PCNX1: variants seen among roughly 807,000 people sequenced by gnomAD.
PCNX1 encodes pecanex-like protein 1.
A neutral mutation model predicts 242.2 loss-of-function variants in PCNX1; 78 were observed. The observed-to-expected ratio is 0.32, with a 90% CI of 0.27 to 0.39. The LOEUF is 0.39. Ranked by LOEUF, PCNX1 falls within the 10% of genes least tolerant of loss-of-function variation. The pLI is 1.00. For synonymous variants in PCNX1, 1,024 were observed against 1,032.9 expected, an observed-to-expected ratio of 0.99 and a Z score of 0.17; for missense variants, 2,581 against 2,856.5, an observed-to-expected ratio of 0.90 and a Z score of 2.20.
Position 70,907,811 on chromosome 14 carries a change from G to GCGGCGA in PCNX1, c.-35_-34insACGGCG. On this transcript the variant is annotated 5_prime_UTR_variant, in exon 1 of 36. Transcript: ENST00000304743. ...CCGAGCTGGGGCCGGGGCGGGGACG[G>GCGGCGA]CGGCGGCGGCGGCGGCGACGGCGGC... 3 of 1,201,354 alleles carry GCGGCGA rather than the reference G, an allele frequency of 2.5e-6. No individual in the cohort carries two copies. Among genetic ancestry groups the GCGGCGA allele is most frequent in the Non-Finnish European group, 3.1e-6 (3 of 963,744 alleles). 74.4% of individuals were successfully genotyped at this position (1,201,354 alleles called of 1,614,324 possible). A position where few individuals can be genotyped will look rare whatever the true frequency, so the allele number is the denominator to read the frequency against.
intron 25 of PCNX1, among the ~76,000 whole-genome samples, chr14:71,056,413 A>C (rs1157971065): frequency 6.6e-6 from 1 of 152,208 alleles, no homozygotes; most frequent in Non-Finnish European, 1.5e-5. Flanking sequence ...ACCAAAGGCC[A>C]TGCCCTGAAT....
At chr14:71,105,552 A>AT in intron 33 of PCNX1, 112 bp downstream of exon 33, 2 of 821,490 alleles carry the variant, frequency 2.4e-6, no homozygotes, top group African/African-American at 3.5e-5. Context: ...TCAGAAATAG[A>AT]ATTTTTTTTT....
At position 70,917,374 on chromosome 14, in the gene PCNX1, A is replaced by G. The variant is rs571734565; in HGVS notation, c.153+9371A>G. Among the ~76,000 whole-genome samples the G allele has an allele frequency of 2.0e-5, 3 of 152,290 alleles. No individual in the cohort carries two copies. In the South Asian group the frequency reaches 6.2e-4, roughly 32 times the overall value. Reference sequence around the variant, plus strand: ...GACAGCCTTATGAAATGTATTTCTTAAATACTAAGACTTGATAGTCAAAAT... The same window carrying G: ...GACAGCCTTATGAAATGTATTTCTTGAATACTAAGACTTGATAGTCAAAAT... On this transcript the variant is annotated intron_variant, in intron 1 of 35. Coordinates refer to ENST00000304743, the MANE Select transcript of PCNX1 (RefSeq NM_014982.3).
intron 8 of PCNX1, 134 bp from the exon 9 acceptor site, chr14:71,009,500 T>C: frequency 2.2e-6 from 1 of 452,174 alleles, no homozygotes; most frequent in Admixed American, 3.8e-5. Context: ...ATGCAGATCA[T>C]TGTTTTAAAA....
chr14:71,107,343 T>C (rs1452310248), intron 33 of PCNX1, among the ~76,000 whole-genome samples: 1 of 152,144 alleles, frequency 6.6e-6, no homozygotes, highest in African/African-American at 2.4e-5. Context: ...CTGTTTTCTT[T>C]TGTGGTTTTT....
chr14:70,937,128 T>A (rs1326852765), intron 1 of PCNX1, among the ~76,000 whole-genome samples: 1 of 152,244 alleles, frequency 6.6e-6, no homozygotes, highest in African/African-American at 2.4e-5. Flanking sequence ...GCAGAAACTC[T>A]TTAGTTTAAT....
intron 34 of PCNX1, 110 bp from the exon 35 acceptor site, chr14:71,109,342 T>C: frequency 9.9e-7 from 1 of 1,011,182 alleles, no homozygotes; most frequent in Non-Finnish European, 1.4e-6. Flanking sequence ...TATTCCATTA[T>C]AGGAATTTAA....
intron 28 of PCNX1, among the ~76,000 whole-genome samples, chr14:71,076,974 T>C (rs2061733565): frequency 6.6e-6 from 1 of 152,200 alleles, no homozygotes; most frequent in African/African-American, 2.4e-5. Context: ...GACTACCATA[T>C]TAGACAGTGT....
chr14:71,060,395 CT>C (rs2061297313), intron 26 of PCNX1, among the ~76,000 whole-genome samples: 1 of 152,110 alleles, frequency 6.6e-6, no homozygotes. Context: ...AAAAAGTTTA[CT>C]TTAGAACAGT....
At chr14:71,069,447 T>TATCTAATA in intron 26 of PCNX1, among the ~76,000 whole-genome samples, 1 of 152,208 alleles carries the variant, frequency 6.6e-6, no homozygotes, top group Non-Finnish European at 1.5e-5. Context: ...CTATTATTGG[T>TATCTAATA]TTAAAAGACA....
chr14:71,047,119 T>C lies in PCNX1; in HGVS notation c.4160+14T>C. On this transcript the variant is annotated intron_variant, in intron 21 of 35. Transcript: ENST00000304743. ...ACTGAATACAGAGTAAGTATAGTAG[T>C]CTTCTAATATTGTCTGACTACTGGG... 6.8e-7 allele frequency: 1 copy of C among 1,479,308 alleles called. No individual in the cohort carries two copies. The highest frequency in any genetic ancestry group is 9.2e-7 in the Non-Finnish European group (1 of 1,090,398). 91.6% of individuals were successfully genotyped at this position (1,479,308 alleles called of 1,614,324 possible). A position where few individuals can be genotyped will look rare whatever the true frequency, so the allele number is the denominator to read the frequency against.
intron 8 of PCNX1, among the ~76,000 whole-genome samples, chr14:71,006,779 A>G (rs368249115): frequency 6.6e-6 from 1 of 152,210 alleles, no homozygotes; most frequent in African/African-American, 2.4e-5. Flanking sequence ...TCAGTAGGAT[A>G]CATTAGCACA....
At chr14:70,980,500 GGCTTTTTTAATTTGA>G (rs1246508530) in intron 6 of PCNX1, among the ~76,000 whole-genome samples, 2 of 152,018 alleles carry the variant, frequency 1.3e-5, no homozygotes, top group African/African-American at 4.8e-5. Context: ...GCATTGCACA[GGCTTTTTTAATTTGA>G]GCTTCATTGG....
intron 30 of PCNX1, among the ~76,000 whole-genome samples, chr14:71,096,165 AT>A (rs2062273812): frequency 6.6e-6 from 1 of 152,162 alleles, no homozygotes; most frequent in African/African-American, 2.4e-5. Context: ...TAAAAATACA[AT>A]AATTAGCTGG....
chr14:71,030,936 TTTC>T (rs2060364037), intron 16 of PCNX1, among the ~76,000 whole-genome samples: 1 of 152,214 alleles, frequency 6.6e-6, no homozygotes, highest in Admixed American at 6.5e-5. Context: ...GTTTCTGAGA[TTTC>T]TTTTTTTTAC....
At chr14:70,937,611 G>T (rs1456697024) in intron 1 of PCNX1, among the ~76,000 whole-genome samples, 3 of 152,120 alleles carry the variant, frequency 2.0e-5, no homozygotes, top group Non-Finnish European at 2.9e-5. Context: ...TGTCTTGGCA[G>T]TGCGGGCTCT....
chr14:70,931,031 C>T lies in PCNX1; in HGVS notation c.154-15884C>T, dbSNP rs542764720. Among the ~76,000 whole-genome samples, 3 of 152,276 alleles carry T rather than the reference C, an allele frequency of 2.0e-5. No homozygotes were observed. The East Asian group carries it at 5.8e-4, about 29-fold the overall frequency. Reference sequence around the variant, plus strand: ...CTTATTAAAAACATTCATATTCTTTCTGATCCCTCTTAATTAACATTTTCT... The same window carrying T: ...CTTATTAAAAACATTCATATTCTTTTTGATCCCTCTTAATTAACATTTTCT... On this transcript the variant is annotated intron_variant, in intron 1 of 35. Transcript: ENST00000304743.
chr14:70,975,073 G>C (rs968364958), intron 5 of PCNX1, among the ~76,000 whole-genome samples: 1 of 151,956 alleles, frequency 6.6e-6, no homozygotes, highest in Admixed American at 6.6e-5. Flanking sequence ...AGTTGGTTTT[G>C]ATCATTAGCA....
intron 2 of PCNX1, among the ~76,000 whole-genome samples, chr14:70,955,598 G>A (rs946781500): frequency 6.6e-5 from 10 of 152,036 alleles, no homozygotes; most frequent in Non-Finnish European, 1.0e-4. Context: ...GGGAAGTTAA[G>A]GCATAAAGGT....
Sources: gnomAD v4.1 joint callset for allele counts (sites outside exome capture counted in the v4.1 genomes callset) on GRCh38, gnomAD v4.1.1 for gene constraint, MANE v1.5 for transcripts, NCBI Gene and HGNC (gene_info 2026-07-23, HGNC 2026-07-21) for gene names.